FXR1: variants seen among roughly 807,000 people sequenced by gnomAD.
FXR1 encodes RNA-binding protein FXR1.
Under a neutral mutation model 84.0 loss-of-function variants are expected in FXR1, and 15 were observed. The observed-to-expected ratio is 0.18, with a 90% confidence interval of 0.12 to 0.27. The LOEUF (loss-of-function observed/expected upper bound fraction) is 0.27. Among genes scored for constraint, FXR1 ranks in the 10% least tolerant of loss-of-function variants. FXR1 has a pLI of 1.00. For missense variants in FXR1, 480 were observed against 774.4 expected (o/e 0.62, Z 4.51); for synonymous variants, 245 against 250.7 (o/e 0.98, Z 0.21).
At chr3:180,939,033 T>TA (rs1468439267) in intron 3 of FXR1, among the ~76,000 whole-genome samples, 1 of 152,050 alleles carries the variant, frequency 6.6e-6, no homozygotes, top group Non-Finnish European at 1.5e-5. Flanking sequence ...TAGCTGGAAT[T>TA]ACAGGTGTGA....
At chr3:180,932,179 A>G (rs1346738789) in intron 1 of FXR1, among the ~76,000 whole-genome samples, 1 of 150,438 alleles carries the variant, frequency 6.6e-6, no homozygotes, top group Non-Finnish European at 1.5e-5. Context: ...CTGTTAGTTA[A>G]TGGACTTTTG....
intron 1 of FXR1, among the ~76,000 whole-genome samples, chr3:180,926,507 T>TATATATATA (rs397991792): frequency 1.6e-4 from 13 of 79,170 alleles, no homozygotes; most frequent in Non-Finnish European, 3.2e-4. Context: ...TATATATATA[T>TATATATATA]TTTTTTTTCT....
intron 7 of FXR1, among the ~76,000 whole-genome samples, chr3:180,949,684 C>G (rs1372393836): frequency 2.6e-5 from 4 of 152,112 alleles, no homozygotes; most frequent in African/African-American, 9.7e-5. Context: ...GAACCTGGCC[C>G]CCATTTAGTT....
chr3:180,962,807 A>G, intron 11 of FXR1, 76 bp from the exon 12 acceptor site: 1 of 949,158 alleles, frequency 1.1e-6, no homozygotes, highest in Non-Finnish European at 1.7e-6. Context: ...GATAGGGAGT[A>G]CAGCTTTAGC....
chr3:180,979,323 A>G lies in FXR1; in HGVS notation c.*3031A>G, dbSNP rs1714493050. ...GAAAACAGGCTATGTCCAGGGACAG[A>G]TGATTGGTGGTTAAGAATTACAGTA... On this transcript the variant is annotated 3_prime_UTR_variant, in exon 17 of 17. Coordinates refer to ENST00000357559, the MANE Select transcript of FXR1 (RefSeq NM_005087.4). The G allele has an allele frequency of 6.6e-6, 1 of 152,094 alleles. No individual in the cohort carries two copies. The highest frequency in any genetic ancestry group is 2.4e-5 in the African/African-American group (1 of 41,436). The allele number at this position is 152,094 out of a possible 1,614,324, so 9.4% of individuals were successfully genotyped here. A position where few individuals can be genotyped will look rare whatever the true frequency, so the allele number is the denominator to read the frequency against.
At chr3:180,934,398 A>T (rs914096816) in intron 2 of FXR1, among the ~76,000 whole-genome samples, 12 of 152,336 alleles carry the variant, frequency 7.9e-5, no homozygotes, top group African/African-American at 2.9e-4. Flanking sequence ...TAAATGACCT[A>T]TGAGAAATTA....
intron 9 of FXR1, among the ~76,000 whole-genome samples, chr3:180,956,865 G>A (rs1722791849): frequency 6.6e-6 from 1 of 152,126 alleles, no homozygotes; most frequent in African/African-American, 2.4e-5. Context: ...AAACTGTTCA[G>A]GCATGCAACA....
intron 1 of FXR1, chr3:180,915,698 T>G (rs1276942363): frequency 1.1e-5 from 8 of 698,532 alleles, no homozygotes; most frequent in Admixed American, 1.0e-4. Flanking sequence ...CATTTGGCCG[T>G]AAGTGTGAAT....
chr3:180,927,513 T>C, intron 1 of FXR1: 1 of 540,934 alleles, frequency 1.8e-6, no homozygotes. Context: ...TTTCTTTCTG[T>C]TTAGCCTATA....
intron 5 of FXR1, 21 bp downstream of exon 5, chr3:180,948,516 T>A (rs1371176938): frequency 6.5e-7 from 1 of 1,531,936 alleles, no homozygotes; most frequent in Non-Finnish European, 9.0e-7. Context: ...TTATATACTA[T>A]TGAATTGTTC....
chr3:180,961,505 G>A lies in FXR1; in HGVS notation c.1028G>A (p.Ser343Asn). ...TTTGTATTTGTTGGCACTAAAGAAA[G>A]CATTGGAAATGTGCAGGTTCTTCTA... ...VPFVFVGTKE[S>N]IGNVQVLLEY... The change falls in exon 11 of 17, where the codon AGC (serine) becomes AAC (asparagine). Residue 343 changes from serine to asparagine, a missense_variant. Transcript: ENST00000357559. 6.4e-7 allele frequency: 1 copy of A among 1,573,004 alleles called. No homozygotes were observed. Among genetic ancestry groups the A allele is most frequent in the African/African-American group, 1.4e-5 (1 of 73,856 alleles).
In FXR1 at chr3:180,968,202, A is replaced by G. The variant is rs765312914; in HGVS notation, c.1350A>G (p.Ser450=). ...CAGGAGGAAGAGGCAGAAGTGTTTC[A>G]GGGGGTCGAGGTCGTGGTGGACCAC... ...RRPGGRGRSV[S]GGRGRGGPRG... The change falls in exon 14 of 17, where the codon TCA becomes TCG. Residue 450 remains serine, a synonymous_variant. Coordinates refer to ENST00000357559, the MANE Select transcript of FXR1 (RefSeq NM_005087.4). The G allele has an allele frequency of 5.0e-6, 8 of 1,613,912 alleles. 1 individual carries two copies. In the South Asian group the frequency reaches 7.7e-5, roughly 16 times the overall value.
At chr3:180,940,243 CACTT>C (rs1720972017) in intron 3 of FXR1, among the ~76,000 whole-genome samples, 2 of 152,328 alleles carry the variant, frequency 1.3e-5, no homozygotes, top group South Asian at 2.1e-4. Context: ...ATCTTCATAA[CACTT>C]AATAGTAAAT....
At chr3:180,971,241 A>G (rs972466140) in intron 15 of FXR1, 1 of 374,264 alleles carries the variant, frequency 2.7e-6, no homozygotes, top group African/African-American at 2.1e-5. Context: ...TTATACTTAC[A>G]TGTACACATG....
chr3:180,947,247 G>A (rs1051221514), intron 3 of FXR1, among the ~76,000 whole-genome samples: 4 of 152,028 alleles, frequency 2.6e-5, no homozygotes, highest in Non-Finnish European at 5.9e-5. Context: ...AGGGTTTACC[G>A]TGTTGGTCAG....
chr3:180,927,871 C>CA, intron 1 of FXR1: 1 of 387,864 alleles, frequency 2.6e-6, no homozygotes, highest in Non-Finnish European at 4.6e-6. Context: ...TGTTCTTACT[C>CA]ACCTAAGAAT....
At chr3:180,959,023 GTC>G (rs1711723224) in intron 10 of FXR1, among the ~76,000 whole-genome samples, 1 of 151,908 alleles carries the variant, frequency 6.6e-6, no homozygotes, top group Non-Finnish European at 1.5e-5. Flanking sequence ...GGCCAGGATG[GTC>G]TCGATCTCTT....
chr3:180,953,367 A>G (rs1380575549), intron 8 of FXR1, among the ~76,000 whole-genome samples: 1 of 152,228 alleles, frequency 6.6e-6, no homozygotes, highest in Non-Finnish European at 1.5e-5. Flanking sequence ...AATAAATCAG[A>G]CAATTTTAAC....
chr3:180,943,297 A>C (rs1721335732), intron 3 of FXR1, among the ~76,000 whole-genome samples: 2 of 99,172 alleles, frequency 2.0e-5, no homozygotes, highest in South Asian at 3.6e-4. Flanking sequence ...TTTTTTAAGA[A>C]GGAGTCTTGC....
Sources: allele counts gnomAD v4.1 joint callset (sites outside exome capture counted in the v4.1 genomes callset), GRCh38; gene constraint gnomAD v4.1.1; transcripts MANE v1.5; gene names NCBI Gene and HGNC (gene_info 2026-07-23, HGNC 2026-07-21).